ZBTB40: variants seen among roughly 807,000 people sequenced by gnomAD.
ZBTB40 encodes zinc finger and BTB domain-containing protein 40.
ZBTB40 carries 60 observed loss-of-function variants against 117.5 expected under a neutral mutation model. The observed-to-expected ratio is 0.51, with a 90% CI of 0.41 to 0.63. The LOEUF is 0.63. Among genes scored for constraint, ZBTB40 ranks in the 30% least tolerant of loss-of-function variants. The pLI, the probability that ZBTB40 is intolerant of heterozygous loss-of-function variation, is 0.00. For missense variants in ZBTB40, 1,287 were observed against 1,498.5 expected (o/e 0.86, Z 2.33); for synonymous variants, 525 against 577.1 (o/e 0.91, Z 1.29).
At position 22,511,959 on chromosome 1, in the gene ZBTB40, G is replaced by A. The variant is rs552768727; in HGVS notation, c.2286G>A (p.Lys762=). The stretch of plus-strand genomic sequence containing the variant: ...ACATGAAGCGCTGCCGGGTGGCTAA[G>A]AGCAAACAGGTGCAGTGTAAGGAGT... The part of the protein sequence containing the change: ...KVHMKRCRVA[K]SKQVQCKECS... The change falls in exon 11 of 18, where the codon AAG becomes AAA. Residue 762 remains lysine, a synonymous_variant. Coordinates refer to ENST00000375647, the MANE Select transcript of ZBTB40 (RefSeq NM_014870.4). 2.7e-5 allele frequency: 43 copies of A among 1,614,226 alleles called. No homozygotes were observed. In the East Asian group the frequency reaches 6.9e-4, roughly 26 times the overall value.
chr1:22,502,272 G>A (rs548673338), intron 4 of ZBTB40, 27 bp from the exon 5 acceptor site: 3 of 1,608,928 alleles, frequency 1.9e-6, no homozygotes, highest in African/African-American at 2.7e-5. Context: ...AGCTTCTCTT[G>A]TGTGTCTCTA....
At chr1:22,504,676 C>T (rs1639032434) in intron 5 of ZBTB40, among the ~76,000 whole-genome samples, 1 of 152,204 alleles carries the variant, frequency 6.6e-6, no homozygotes, top group African/African-American at 2.4e-5. Flanking sequence ...ATGAACAGCA[C>T]CTTCATTTTA....
intron 1 of ZBTB40, among the ~76,000 whole-genome samples, chr1:22,436,016 T>G (rs1640665778): frequency 6.6e-6 from 1 of 151,098 alleles, no homozygotes; most frequent in African/African-American, 2.4e-5. Context: ...CAACTGTTGA[T>G]GAGGATGTAG....
intron 7 of ZBTB40, 30 bp from the exon 8 acceptor site, chr1:22,508,500 T>G: frequency 6.2e-7 from 1 of 1,613,468 alleles, no homozygotes; most frequent in Non-Finnish European, 8.5e-7. Flanking sequence ...GGAGAGTCTC[T>G]TACGTGAGTG....
chr1:22,508,421 C>A, intron 7 of ZBTB40, 109 bp from the exon 8 acceptor site: 2 of 1,357,852 alleles, frequency 1.5e-6, no homozygotes, highest in Non-Finnish European at 2.1e-6. Context: ...TGTTGAAAAA[C>A]TCCTTCCCCA....
At position 22,513,672 on chromosome 1, in the gene ZBTB40, G is replaced by A. The variant is rs1056146390; in HGVS notation, c.2668+542G>A. Among the ~76,000 whole-genome samples, 5 of 152,152 alleles carry A rather than the reference G, an allele frequency of 3.3e-5. No individual in the cohort carries two copies. The East Asian group carries it at 9.6e-4, about 29-fold the overall frequency. On this transcript the variant is annotated intron_variant, in intron 12 of 17. Transcript: ENST00000375647. The surrounding 1 kb of genome is among the most constrained non-coding windows in gnomAD (Gnocchi z 4.9). The stretch of plus-strand genomic sequence containing the variant: ...GCTGAGATTGTGCCACTGCACTCCA[G>A]CCTGGGCAACAGAGTGAGACTCCGT...
At chr1:22,452,452 G>A (rs920041697) in intron 1 of ZBTB40, among the ~76,000 whole-genome samples, 1 of 152,224 alleles carries the variant, frequency 6.6e-6, no homozygotes, top group Non-Finnish European at 1.5e-5. Flanking sequence ...TGGTTAGGGG[G>A]AAGAATATTT....
chr1:22,445,861 A>G (rs1349297855), intron 1 of ZBTB40, among the ~76,000 whole-genome samples: 2 of 151,958 alleles, frequency 1.3e-5, no homozygotes, highest in East Asian at 3.8e-4. Context: ...TCTCAAAAAA[A>G]AAAAAAAAAC....
intron 12 of ZBTB40, 80 bp from the exon 13 acceptor site, chr1:22,517,220 G>A (rs1379603848): frequency 6.3e-6 from 10 of 1,576,850 alleles, no homozygotes; most frequent in South Asian, 1.1e-5. Flanking sequence ...TCCCTGATAC[G>A]TGCTGTAGAA....
chr1:22,495,029 C>T (rs1424589634), intron 3 of ZBTB40, among the ~76,000 whole-genome samples: 2 of 152,234 alleles, frequency 1.3e-5, no homozygotes, highest in East Asian at 3.9e-4. Context: ...GAGTGGTATC[C>T]TGTGATTGGT....
intron 15 of ZBTB40, 78 bp from the exon 16 acceptor site, chr1:22,522,299 C>G: frequency 7.0e-7 from 1 of 1,424,332 alleles, no homozygotes; most frequent in Non-Finnish European, 9.9e-7. Flanking sequence ...CGCCCCAACC[C>G]CAGCCCTGTT....
intron 2 of ZBTB40, 69 bp from the exon 3 acceptor site, chr1:22,491,331 A>G: frequency 6.4e-7 from 1 of 1,564,300 alleles, no homozygotes; most frequent in Non-Finnish European, 8.8e-7. Context: ...GTGCTCAGAC[A>G]GCTTAAACTT....
At chr1:22,517,144 G>A (rs1004898568) in intron 12 of ZBTB40, among the ~76,000 whole-genome samples, 156 bp from the exon 13 acceptor site, 1 of 152,112 alleles carries the variant, frequency 6.6e-6, no homozygotes, top group African/African-American at 2.4e-5. Flanking sequence ...GTGATGAGAC[G>A]GCTCAGATCT....
At chr1:22,471,246 C>T (rs1641396963) in intron 1 of ZBTB40, among the ~76,000 whole-genome samples, 1 of 152,228 alleles carries the variant, frequency 6.6e-6, no homozygotes, top group South Asian at 2.1e-4. Flanking sequence ...CACCATCCAT[C>T]CTTTAGCAGA....
At chr1:22,479,220 G>A (rs957009138) in intron 1 of ZBTB40, among the ~76,000 whole-genome samples, 13 of 152,168 alleles carry the variant, frequency 8.5e-5, no homozygotes, top group Admixed American at 3.9e-4. Context: ...GTCACTCAAC[G>A]TTCTCACCAA....
intron 2 of ZBTB40, 117 bp downstream of exon 2, chr1:22,490,762 C>A: frequency 8.9e-7 from 1 of 1,129,806 alleles, no homozygotes; most frequent in Non-Finnish European, 1.3e-6. Flanking sequence ...AAATTCAGTG[C>A]AGTACCGTAC....
chr1:22,451,674 C>T (rs943426920), upstream of ZBTB40, among the ~76,000 whole-genome samples: 3 of 151,586 alleles, frequency 2.0e-5, no homozygotes, highest in Non-Finnish European at 4.4e-5. Flanking sequence ...AAAAACTTTA[C>T]TTAGGAAGTG....
chr1:22,521,380 T>G, intron 14 of ZBTB40, 116 bp from the exon 15 acceptor site: 1 of 1,310,192 alleles, frequency 7.6e-7, no homozygotes, highest in Non-Finnish European at 1.1e-6. Flanking sequence ...TAAGAGTGTG[T>G]GATACTAGAA....
At chr1:22,476,258 C>T (rs1450225481) in intron 1 of ZBTB40, among the ~76,000 whole-genome samples, 1 of 152,198 alleles carries the variant, frequency 6.6e-6, no homozygotes, top group African/African-American at 2.4e-5. Context: ...CAGTCTTACT[C>T]TGTCAGCCTG....
Sources: gnomAD v4.1 joint callset for allele counts (sites outside exome capture counted in the v4.1 genomes callset) on GRCh38, gnomAD v4.1.1 for gene constraint, Gnocchi (gnomAD v3.1) non-coding constraint, MANE v1.5 for transcripts, NCBI Gene and HGNC (gene_info 2026-07-23, HGNC 2026-07-21) for gene names.